TPD52: variants seen among roughly 807,000 people sequenced by gnomAD.
The protein encoded by TPD52 is prostate and colon associated protein.
In TPD52, 17 loss-of-function variants were observed where a neutral mutation model predicts 31.3. The ratio of observed to expected loss-of-function variants is 0.54; its 90% CI spans 0.37 to 0.82. The LOEUF (loss-of-function observed/expected upper bound fraction) is 0.82, where lower values mean the gene tolerates loss of function less well. Ranked by LOEUF, TPD52 falls within the 40% of genes least tolerant of loss-of-function variation. The pLI is 0.00. For synonymous variants in TPD52, 83 were observed against 89.6 expected (o/e 0.93, Z 0.42); for missense variants, 212 against 240.1 (o/e 0.88, Z 0.77).
chr8:80,111,123 T>C (rs1218883841), intron 1 of TPD52, among the ~76,000 whole-genome samples: 1 of 152,166 alleles, frequency 6.6e-6, no homozygotes. Flanking sequence ...GAGGTGGTAG[T>C]ATCACTTGAG....
At chr8:80,164,013 TGAGAGAGAGACAGAGAGAGA>T (rs1811537831) in intron 1 of TPD52, among the ~76,000 whole-genome samples, 2 of 123,664 alleles carry the variant, frequency 1.6e-5, no homozygotes, top group East Asian at 6.0e-4. Context: ...ATTCTAACTG[TGAGAGAGAGACAGAGAGAGA>T]GAGAGAGAGA....
chr8:80,100,074 G>A (rs1200417546), intron 1 of TPD52, among the ~76,000 whole-genome samples: 1 of 152,144 alleles, frequency 6.6e-6, no homozygotes, highest in African/African-American at 2.4e-5. Flanking sequence ...TAACCTGCAT[G>A]TTTATCAAAA....
intron 1 of TPD52, among the ~76,000 whole-genome samples, chr8:80,164,000 C>A (rs897234952): frequency 3.5e-5 from 4 of 113,268 alleles, no homozygotes; most frequent in African/African-American, 7.0e-5. Context: ...AGAAACAGAC[C>A]AAATTCTAAC....
In TPD52 at chr8:80,123,513, C is replaced by T. The variant is rs1808398819; in HGVS notation, c.19+47912G>A. Among the ~76,000 whole-genome samples, 3 of 152,120 alleles carry T rather than the reference C, an allele frequency of 2.0e-5. No individual in the cohort carries two copies. The South Asian group carries it at 6.2e-4, about 31-fold the overall frequency. ...GGCCAAGGCAGAAGGATTGCTTGAG[C>T]CCAGGAGTCGGAGACAAGCCTGGCA... On this transcript the variant is annotated intron_variant, in intron 1 of 7. Transcript: ENST00000518937.
At chr8:80,116,990 G>A (rs1232552347) in intron 1 of TPD52, among the ~76,000 whole-genome samples, 1 of 152,136 alleles carries the variant, frequency 6.6e-6, no homozygotes. Flanking sequence ...AACTAGGAAT[G>A]TAAAGGAACT....
chr8:80,081,156 CTTTTTTT>C (rs5892705), intron 1 of TPD52, among the ~76,000 whole-genome samples: 4 of 109,376 alleles, frequency 3.7e-5, no homozygotes, highest in Admixed American at 2.9e-4. Flanking sequence ...TTTTCTCTCT[CTTTTTTT>C]TTTTTTTTTT....
chr8:80,067,975 C>T (rs146216040), intron 1 of TPD52, among the ~76,000 whole-genome samples: 1 of 151,680 alleles, frequency 6.6e-6, no homozygotes, highest in Non-Finnish European at 1.5e-5. Context: ...TCATTCACAA[C>T]ATGAAAGGTG....
At chr8:80,157,757 G>A (rs1293312789) in intron 1 of TPD52, among the ~76,000 whole-genome samples, 1 of 152,022 alleles carries the variant, frequency 6.6e-6, no homozygotes, top group Non-Finnish European at 1.5e-5. Flanking sequence ...TACCACCCAG[G>A]GAAAGTATAA....
At chr8:80,122,437 C>CT (rs1299365426) in intron 1 of TPD52, among the ~76,000 whole-genome samples, 2 of 152,106 alleles carry the variant, frequency 1.3e-5, no homozygotes, top group African/African-American at 4.8e-5. Context: ...AAAAAGTATC[C>CT]TTAACATGAC....
chr8:80,080,622 G>C, intron 1 of TPD52: 1 of 1,363,850 alleles, frequency 7.3e-7, no homozygotes, highest in South Asian at 2.1e-5. Flanking sequence ...CCTTTTGGGA[G>C]CCTTCACGCC....
chr8:80,070,484 A>G (rs1245781873), intron 1 of TPD52, among the ~76,000 whole-genome samples: 1 of 152,178 alleles, frequency 6.6e-6, no homozygotes, highest in Non-Finnish European at 1.5e-5. Context: ...ACCTCAGATC[A>G]TCAGGCATTA....
At chr8:80,165,811 AT>A (rs1811673228) in intron 1 of TPD52, among the ~76,000 whole-genome samples, 1 of 152,218 alleles carries the variant, frequency 6.6e-6, no homozygotes, top group Non-Finnish European at 1.5e-5. Flanking sequence ...AAAGCACTAA[AT>A]AAAATTTGCA....
chr8:80,033,992 C>T (rs535727261), downstream of TPD52, among the ~76,000 whole-genome samples: 21 of 152,234 alleles, frequency 1.4e-4, no homozygotes, highest in South Asian at 4.4e-3. Context: ...CCACCCCTTC[C>T]CTCCTAGGAA....
chr8:80,120,837 T>C (rs1808211791), intron 1 of TPD52, among the ~76,000 whole-genome samples: 1 of 152,082 alleles, frequency 6.6e-6, no homozygotes, highest in Admixed American at 6.6e-5. Context: ...CCCAGCACTT[T>C]GGGAGGCTGA....
chr8:80,105,406 T>C (rs552044620), intron 1 of TPD52, among the ~76,000 whole-genome samples: 1 of 152,250 alleles, frequency 6.6e-6, no homozygotes, highest in Non-Finnish European at 1.5e-5. Flanking sequence ...ATCCCTGTCC[T>C]GTTCTGTTCT....
At chr8:80,112,495 C>G (rs1807563015) in intron 1 of TPD52, among the ~76,000 whole-genome samples, 1 of 152,066 alleles carries the variant, frequency 6.6e-6, no homozygotes, top group Non-Finnish European at 1.5e-5. Flanking sequence ...CCAAGTGATT[C>G]TGGTATGAGT....
intron 1 of TPD52, among the ~76,000 whole-genome samples, chr8:80,136,336 A>G (rs1341030228): frequency 2.0e-5 from 3 of 151,080 alleles, no homozygotes; most frequent in Non-Finnish European, 3.0e-5. Flanking sequence ...CATCCTGGCT[A>G]ACACGGTGAA....
At chr8:80,039,775 A>G (rs181467336) in intron 7 of TPD52, among the ~76,000 whole-genome samples, 16 of 151,916 alleles carry the variant, frequency 1.1e-4, no homozygotes, top group Non-Finnish European at 1.5e-4. Context: ...AACTTCAAAC[A>G]TTCCCTTCAA....
At chr8:80,109,966 G>A (rs1807391954) in intron 1 of TPD52, among the ~76,000 whole-genome samples, 1 of 152,152 alleles carries the variant, frequency 6.6e-6, no homozygotes, top group African/African-American at 2.4e-5. Flanking sequence ...CCTGATACAA[G>A]TTCAGAGGAC....
Sources: gnomAD v4.1 joint callset for allele counts (sites outside exome capture counted in the v4.1 genomes callset) on GRCh38, gnomAD v4.1.1 for gene constraint, MANE v1.5 for transcripts, NCBI Gene and HGNC (gene_info 2026-07-23, HGNC 2026-07-21) for gene names.